C18orf63: variants seen among roughly 807,000 people sequenced by gnomAD.
C18orf63 encodes uncharacterized protein C18orf63.
In C18orf63, 50 loss-of-function variants were observed where a neutral mutation model predicts 75.3. The observed-to-expected ratio is 0.66, with a 90% confidence interval of 0.53 to 0.84. The LOEUF (loss-of-function observed/expected upper bound fraction) is 0.84, where lower values mean the gene tolerates loss of function less well. Ranked by LOEUF, C18orf63 falls within the 40% of genes least tolerant of loss-of-function variation. The probability of loss-of-function intolerance (pLI) is 0.00; values close to 1 mark genes in which losing one functional copy is unlikely to be tolerated. For missense variants in C18orf63, 732 were observed against 800.2 expected, an observed-to-expected ratio of 0.91 and a Z score of 1.03; for synonymous variants, 232 against 267.6, an observed-to-expected ratio of 0.87 and a Z score of 1.30.
At chr18:74,344,987 A>G (rs1303913980) in intron 11 of C18orf63, among the ~76,000 whole-genome samples, 1 of 152,034 alleles carries the variant, frequency 6.6e-6, no homozygotes, top group Non-Finnish European at 1.5e-5. Flanking sequence ...TCCCTAACCA[A>G]TCTGTATTCC....
rs1346816950 is a variant in C18orf63, at chr18:74,357,002, TA to T, written c.*556del. ...TATATTTCTAACATAAGATATAGTA[TA>T]TTTTTTAAGAAAAAAAGAATGTGTA... On this transcript the variant is annotated 3_prime_UTR_variant, in exon 14 of 14. Coordinates refer to ENST00000579455, the MANE Select transcript of C18orf63 (RefSeq NM_001174123.2). The T allele has an allele frequency of 6.6e-6, 1 of 152,220 alleles. No individual in the cohort carries two copies. Among genetic ancestry groups the T allele is most frequent in the Non-Finnish European group, 1.5e-5 (1 of 68,040 alleles). 9.4% of individuals were successfully genotyped at this position (152,220 alleles called of 1,614,324 possible).
intron 2 of C18orf63, among the ~76,000 whole-genome samples, chr18:74,320,062 A>C (rs1310787191): frequency 6.6e-6 from 1 of 152,208 alleles, no homozygotes; most frequent in Non-Finnish European, 1.5e-5. Flanking sequence ...CGTTTTAGCT[A>C]AGCAAAGGTT....
At chr18:74,330,022 G>T (rs1384219392) in intron 6 of C18orf63, among the ~76,000 whole-genome samples, 1 of 151,904 alleles carries the variant, frequency 6.6e-6, no homozygotes, top group East Asian at 1.9e-4. Context: ...CTAGTTGTAT[G>T]TTTAATTTGT....
At chr18:74,341,196 G>A (rs1475559042) in intron 8 of C18orf63, among the ~76,000 whole-genome samples, 2 of 148,220 alleles carry the variant, frequency 1.3e-5, no homozygotes, top group African/African-American at 2.5e-5. Context: ...CCCGGGAGGC[G>A]GAGCTTGCAG....
chr18:74,343,194 T>C (rs1199917957), intron 10 of C18orf63, among the ~76,000 whole-genome samples: 1 of 152,164 alleles, frequency 6.6e-6, no homozygotes, highest in African/African-American at 2.4e-5. Flanking sequence ...TTGTTTATTA[T>C]AATACTTATT....
chr18:74,353,834 A>C lies in C18orf63; in HGVS notation c.1567A>C (p.Thr523Pro), dbSNP rs1448349498. 6.5e-7 allele frequency: 1 copy of C among 1,535,952 alleles called. No homozygotes were observed. The highest frequency in any genetic ancestry group is 1.4e-5 in the African/African-American group (1 of 73,040). Residue 523 changes from threonine to proline, a missense_variant, in exon 12 of 14, where the codon ACA (threonine) becomes CCA (proline). Coordinates refer to ENST00000579455, the MANE Select transcript of C18orf63 (RefSeq NM_001174123.2). ...AAATACAGAGTCTTCTGAAAATATG[A>C]CAAAATTTCCCTCTTCTCGTGGAAA... is the stretch of plus-strand genomic sequence containing the variant. ...EKNTESSENMTKFPSSRGKST... is the reference protein window; with the variant it reads ...EKNTESSENMPKFPSSRGKST...
At chr18:74,325,690 T>C (rs1317994009) in intron 4 of C18orf63, among the ~76,000 whole-genome samples, 1 of 152,250 alleles carries the variant, frequency 6.6e-6, no homozygotes, top group African/African-American at 2.4e-5. Context: ...CCTTAGGCAA[T>C]TGCTGCAAAC....
intron 3 of C18orf63, 62 bp downstream of exon 3, chr18:74,320,653 A>G (rs1244875413): frequency 3.0e-6 from 3 of 1,003,212 alleles, no homozygotes; most frequent in Non-Finnish European, 4.4e-6. Flanking sequence ...GATAAATAAT[A>G]ATTTAGGTAT....
At chr18:74,328,604 A>T (rs2145119005) in intron 5 of C18orf63, among the ~76,000 whole-genome samples, 1 of 152,362 alleles carries the variant, frequency 6.6e-6, no homozygotes, top group Middle Eastern at 3.4e-3. Flanking sequence ...TTATATACAG[A>T]GGCCTGATGT....
chr18:74,341,351 A>G (rs992262569), intron 8 of C18orf63, among the ~76,000 whole-genome samples: 3 of 151,142 alleles, frequency 2.0e-5, no homozygotes, highest in Non-Finnish European at 3.0e-5. Context: ...ATTGAAAGTA[A>G]TGGCAAAAAT....
intron 6 of C18orf63, among the ~76,000 whole-genome samples, chr18:74,329,883 G>A (rs973121507): frequency 6.6e-6 from 1 of 152,080 alleles, no homozygotes; most frequent in African/African-American, 2.4e-5. Flanking sequence ...AGTCACCACC[G>A]TAGACATTAT....
In C18orf63 at chr18:74,353,781, A is replaced by G; in HGVS notation, c.1514A>G (p.Gln505Arg). The G allele has an allele frequency of 6.5e-7, 1 of 1,536,008 alleles. No homozygotes were observed. Among genetic ancestry groups the G allele is most frequent in the Non-Finnish European group, 8.7e-7 (1 of 1,146,856 alleles). ...IQMQAANNLN[Q>R]ENSRPLQEKN... ...ATGCAGGCTGCTAACAATTTAAATC[A>G]GGAGAATTCCAGACCTCTGCAAGAA... The change falls in exon 12 of 14, where the codon CAG (glutamine) becomes CGG (arginine). Residue 505 changes from glutamine to arginine, a missense_variant. Transcript: ENST00000579455.
intron 1 of C18orf63, 35 bp from the exon 2 acceptor site, chr18:74,317,799 A>G: frequency 7.6e-7 from 1 of 1,315,920 alleles, no homozygotes; most frequent in Non-Finnish European, 1.0e-6. Context: ...TTGGTAAGAT[A>G]ATTTACTACC....
rs759827372 is a variant in C18orf63 at position 74,354,270 on chromosome 18, TA to T, written c.2001+12del. 1,378 of 1,424,820 alleles carry T rather than the reference TA, an allele frequency of 9.7e-4. 1 individual carries two copies. The highest frequency in any genetic ancestry group is 2.2e-3 in the South Asian group (156 of 71,512). 88.3% of individuals were successfully genotyped at this position (1,424,820 alleles called of 1,614,324 possible). On this transcript the variant is annotated splice_donor_region_variant and intron_variant, in intron 12 of 13. Coordinates refer to ENST00000579455, the MANE Select transcript of C18orf63 (RefSeq NM_001174123.2). ...CAATCCAGTTCTTCTAAGAAGCAGG[TA>T]AAAAAAAAATTAATCTGGCACTACT...
chr18:74,353,537 A>G lies in C18orf63; in HGVS notation c.1270A>G (p.Asn424Asp), dbSNP rs1984706428. Residue 424 changes from asparagine to aspartate, a missense_variant, in exon 12 of 14, where the codon AAT (asparagine) becomes GAT (aspartate). By Grantham distance (23) the Asn-to-Asp change is conservative. Around this residue, in one of 3 missense-constraint regions of C18orf63, gnomAD observed 495 missense variants for 508.7 expected, o/e 0.97. Coordinates refer to ENST00000579455, the MANE Select transcript of C18orf63 (RefSeq NM_001174123.2). ...AGGAAATACTCAAGTTCAGCACACA[A>G]ATCTTAGCTCCCAAAGCAACATCAC... The part of the protein sequence containing the change: ...NRGNTQVQHT[N>D]LSSQSNITPK... 3 of 1,536,536 alleles carry G rather than the reference A, an allele frequency of 2.0e-6. No homozygotes were observed. The highest frequency in any genetic ancestry group is 2.6e-6 in the Non-Finnish European group (3 of 1,147,030).
chr18:74,316,328 A>G (rs1568233546), intron 1 of C18orf63, among the ~76,000 whole-genome samples: 1 of 152,184 alleles, frequency 6.6e-6, no homozygotes, highest in Non-Finnish European at 1.5e-5. Flanking sequence ...GATTTAGCTG[A>G]ACAAAGACCT....
intron 11 of C18orf63, among the ~76,000 whole-genome samples, chr18:74,344,727 T>C (rs1032520843): frequency 3.3e-5 from 5 of 152,202 alleles, no homozygotes; most frequent in African/African-American, 1.2e-4. Context: ...TTTGTGACAT[T>C]CATCCACGTT....
intron 7 of C18orf63, among the ~76,000 whole-genome samples, chr18:74,334,580 CT>C (rs1313751101): frequency 6.6e-6 from 1 of 151,968 alleles, no homozygotes; most frequent in Non-Finnish European, 1.5e-5. Flanking sequence ...TTAATGTTCC[CT>C]TTGGCATAGT....
At chr18:74,347,349 G>A (rs1042434776) in intron 11 of C18orf63, among the ~76,000 whole-genome samples, 1 of 152,206 alleles carries the variant, frequency 6.6e-6, no homozygotes, top group Non-Finnish European at 1.5e-5. Context: ...GATGGCCTTG[G>A]CCACTCTTCT....
Sources: allele counts gnomAD v4.1 joint callset (sites outside exome capture counted in the v4.1 genomes callset), GRCh38; gene constraint gnomAD v4.1.1; regional missense constraint gnomAD v4.1.1; transcripts MANE v1.5; gene names NCBI Gene and HGNC (gene_info 2026-07-23, HGNC 2026-07-21).